BRINP3: variants seen among roughly 807,000 people sequenced by gnomAD.
BRINP3 encodes the protein BMP/retinoic acid-inducible neural-specific protein 3.
Under a neutral mutation model 71.0 loss-of-function variants are expected in BRINP3, and 19 were observed. That is an observed-to-expected ratio of 0.27 (90% CI 0.19 to 0.39). The LOEUF is 0.39. Ranked by LOEUF, BRINP3 falls within the 10% of genes least tolerant of loss-of-function variation. The pLI is 1.00. For missense variants in BRINP3, 959 were observed against 940.8 expected, an observed-to-expected ratio of 1.02 and a Z score of -0.25; for synonymous variants, 380 against 337.7, an observed-to-expected ratio of 1.13 and a Z score of -1.37.
intron 2 of BRINP3, among the ~76,000 whole-genome samples, chr1:190,309,178 T>G (rs150453225): frequency 1.7e-5 from 2 of 117,700 alleles, no homozygotes; most frequent in African/African-American, 6.1e-5. Flanking sequence ...CTAAGTGTAA[T>G]AAGTCCACAA....
intron 2 of BRINP3, among the ~76,000 whole-genome samples, chr1:190,450,670 CA>C (rs1484772276): frequency 6.6e-6 from 1 of 151,752 alleles, no homozygotes; most frequent in African/African-American, 2.4e-5. Flanking sequence ...TTATGTATCC[CA>C]ATATTATGAA....
intron 2 of BRINP3, among the ~76,000 whole-genome samples, chr1:190,367,398 TG>T (rs576011146): frequency 5.2e-4 from 79 of 152,316 alleles, no homozygotes; most frequent in African/African-American, 1.9e-3. Flanking sequence ...GAGGGGACCC[TG>T]GGCCTCGCCC....
chr1:190,244,726 T>C (rs1441390925), intron 4 of BRINP3, among the ~76,000 whole-genome samples: 1 of 152,052 alleles, frequency 6.6e-6, no homozygotes, highest in Non-Finnish European at 1.5e-5. Flanking sequence ...CACATTTTAG[T>C]TGTTTAACAT....
At chr1:190,251,652 G>A (rs1228623073) in intron 4 of BRINP3, among the ~76,000 whole-genome samples, 2 of 151,978 alleles carry the variant, frequency 1.3e-5, no homozygotes, top group Non-Finnish European at 2.9e-5. Flanking sequence ...AAAAGAAATT[G>A]AGGAAAAGCA....
At position 190,366,019 on chromosome 1, in the gene BRINP3, T is replaced by C. The variant is rs557863377; in HGVS notation, c.237-84269A>G. 1.6e-4 allele frequency among the ~76,000 whole-genome samples: 24 copies of C among 151,990 alleles called. No homozygotes were observed. In the South Asian group the frequency reaches 4.4e-3, roughly 28 times the overall value. On this transcript the variant is annotated intron_variant, in intron 2 of 7. Transcript: ENST00000367462. ...GGCATAAAGAATCATGGCCACTGTA[T>C]CTTGCAACACCTAGACACAAAAATA...
In BRINP3 at chr1:190,401,591, G is replaced by A. The variant is rs77700443; in HGVS notation, c.236+53064C>T. Among the ~76,000 whole-genome samples the A allele has an allele frequency of 2.6e-3, 398 of 152,016 alleles. 4 individuals carry two copies. The highest frequency in any genetic ancestry group is 9.0e-3 in the African/African-American group (374 of 41,476). ...TGCCACATTGCAGACCTATGGAATC[G>A]GAAATCTGAGTAATGCCTGTGACAC... On this transcript the variant is annotated intron_variant, in intron 2 of 7. Coordinates refer to ENST00000367462, the MANE Select transcript of BRINP3 (RefSeq NM_199051.3).
intron 2 of BRINP3, among the ~76,000 whole-genome samples, chr1:190,295,779 C>A (rs1234137906): frequency 6.6e-6 from 1 of 151,998 alleles, no homozygotes; most frequent in Non-Finnish European, 1.5e-5. Flanking sequence ...TTTCCCTCCC[C>A]AAGCAGCCAG....
rs1187799046 is a variant in BRINP3, at chr1:190,300,776, T to C, written c.237-19026A>G. 2.0e-5 allele frequency among the ~76,000 whole-genome samples: 3 copies of C among 152,090 alleles called. No individual in the cohort carries two copies. The East Asian group carries it at 5.8e-4, about 29-fold the overall frequency. ...GACATCCACACCAAAAACCCATCTG[T>C]ACTTCACCATCATCAAAGACCAAAA... is the stretch of plus-strand genomic sequence containing the variant. On this transcript the variant is annotated intron_variant, in intron 2 of 7. Transcript: ENST00000367462.
At chr1:190,315,223 G>C (rs1452789159) in intron 2 of BRINP3, among the ~76,000 whole-genome samples, 3 of 152,092 alleles carry the variant, frequency 2.0e-5, no homozygotes, top group African/African-American at 7.2e-5. Context: ...AGGGAGGACT[G>C]AATTTAAGAT....
chr1:190,420,509 C>T (rs926295257), intron 2 of BRINP3, among the ~76,000 whole-genome samples: 1 of 151,930 alleles, frequency 6.6e-6, no homozygotes, highest in African/African-American at 2.4e-5. Flanking sequence ...TCATTACCCT[C>T]TAAAAGAAGA....
intron 2 of BRINP3, among the ~76,000 whole-genome samples, chr1:190,387,473 CTG>C (rs1435115107): frequency 1.1e-4 from 16 of 151,816 alleles, no homozygotes; most frequent in Admixed American, 6.6e-4. Flanking sequence ...ATTTGGGTCA[CTG>C]TTTAATTTTG....
chr1:190,434,676 A>G (rs762768346), intron 2 of BRINP3, among the ~76,000 whole-genome samples: 25 of 152,060 alleles, frequency 1.6e-4, no homozygotes, highest in Non-Finnish European at 2.8e-4. Flanking sequence ...TTATAAAATT[A>G]GTTTTGACCT....
intron 6 of BRINP3, among the ~76,000 whole-genome samples, chr1:190,188,058 T>C (rs1653695520): frequency 6.6e-6 from 1 of 152,106 alleles, no homozygotes; most frequent in African/African-American, 2.4e-5. Context: ...ATTTCTTTTA[T>C]CAGTGTTTTA....
In BRINP3 at chr1:190,300,353, G is replaced by C. The variant is rs373581217; in HGVS notation, c.237-18603C>G. 1.6e-4 allele frequency among the ~76,000 whole-genome samples: 24 copies of C among 152,108 alleles called. No homozygotes were observed. The East Asian group carries it at 2.9e-3, about 18-fold the overall frequency. On this transcript the variant is annotated intron_variant, in intron 2 of 7. Transcript: ENST00000367462. ...CCAGTTGATCGCATCGGCTCCTGAG[G>C]CTTCTGCATTCTTCACGTAGTTCTC...
At chr1:190,317,564 C>T (rs554082999) in intron 2 of BRINP3, among the ~76,000 whole-genome samples, 2 of 152,010 alleles carry the variant, frequency 1.3e-5, no homozygotes, top group South Asian at 2.1e-4. Context: ...TTCATCATTC[C>T]CTTTCTCTTG....
intron 4 of BRINP3, among the ~76,000 whole-genome samples, chr1:190,254,492 C>T (rs911631702): frequency 6.6e-6 from 1 of 151,950 alleles, no homozygotes; most frequent in African/African-American, 2.4e-5. Flanking sequence ...CCTTCACATC[C>T]CTTGTAAGTT....
chr1:190,103,265 T>C (rs993249409), intron 7 of BRINP3, among the ~76,000 whole-genome samples: 7 of 152,088 alleles, frequency 4.6e-5, no homozygotes, highest in African/African-American at 1.7e-4. Context: ...TGTTAAACTG[T>C]GATTTCACTT....
chr1:190,263,587 C>CT (rs34792964), intron 4 of BRINP3, among the ~76,000 whole-genome samples: 51,457 of 129,456 alleles, frequency 0.4, 11,081 homozygotes, highest in Non-Finnish European at 0.49. Flanking sequence ...GAAGTAGTAA[C>CT]TTTTTTTTTT....
chr1:190,429,623 C>T (rs1673959628), intron 2 of BRINP3, among the ~76,000 whole-genome samples: 1 of 143,240 alleles, frequency 7.0e-6, no homozygotes, highest in African/African-American at 2.6e-5. Flanking sequence ...AGGAGTCTTG[C>T]TCTGTCACCC....
Sources: allele counts gnomAD v4.1 joint callset (sites outside exome capture counted in the v4.1 genomes callset), GRCh38; gene constraint gnomAD v4.1.1; transcripts MANE v1.5; gene names NCBI Gene and HGNC (gene_info 2026-07-23, HGNC 2026-07-21).